KIF6: variants seen among roughly 807,000 people sequenced by gnomAD.
The protein encoded by KIF6 is kinesin-like protein KIF6.
Under a neutral mutation model 112.7 loss-of-function variants are expected in KIF6, and 106 were observed. The ratio of observed to expected loss-of-function variants is 0.94; its 90% CI spans 0.80 to 1.11. The LOEUF is 1.11. Among genes scored for constraint, KIF6 ranks in the 50% least tolerant of loss-of-function variants. The pLI is 0.00. For synonymous variants in KIF6, 339 were observed against 339.9 expected (o/e 1.00, Z 0.03); for missense variants, 929 against 964.0 (o/e 0.96, Z 0.48).
intron 13 of KIF6, among the ~76,000 whole-genome samples, chr6:39,460,877 A>AT (rs112099912): frequency 1.5e-3 from 225 of 152,270 alleles, no homozygotes; most frequent in African/African-American, 5.2e-3. Context: ...TACCTTTGTA[A>AT]TACTGCTTCC....
At chr6:39,536,314 C>G (rs1008932848) in intron 13 of KIF6, among the ~76,000 whole-genome samples, 10 of 151,674 alleles carry the variant, frequency 6.6e-5, no homozygotes, top group Non-Finnish European at 1.5e-4. Context: ...TGATAGAACG[C>G]TAGCAAGACT....
At chr6:39,468,253 A>G (rs560780425) in intron 13 of KIF6, among the ~76,000 whole-genome samples, 21 of 152,262 alleles carry the variant, frequency 1.4e-4, no homozygotes. Context: ...ACCAGGATAC[A>G]AGTAATGAGA....
At chr6:39,567,886 T>A (rs946305587) in intron 10 of KIF6, among the ~76,000 whole-genome samples, 1 of 152,130 alleles carries the variant, frequency 6.6e-6, no homozygotes, top group African/African-American at 2.4e-5. Flanking sequence ...GGATTACAGG[T>A]GTGAGCCACT....
intron 3 of KIF6, among the ~76,000 whole-genome samples, chr6:39,679,662 C>T (rs1312401851): frequency 7.2e-6 from 1 of 139,648 alleles, no homozygotes; most frequent in African/African-American, 2.7e-5. Context: ...GCTGCCCAGG[C>T]TGGAGTGCAG....
chr6:39,349,927 G>A (rs1221863349), intron 19 of KIF6, among the ~76,000 whole-genome samples: 2 of 152,092 alleles, frequency 1.3e-5, no homozygotes, highest in African/African-American at 4.8e-5. Context: ...TTACAGGTGT[G>A]AGCCATCATC....
chr6:39,353,065 G>C (rs117997052), intron 19 of KIF6, among the ~76,000 whole-genome samples: 6,003 of 152,034 alleles, frequency 0.039, 183 homozygotes, highest in Non-Finnish European at 0.055. Context: ...ACCTCAATTA[G>C]GTAAATAACT....
intron 16 of KIF6, among the ~76,000 whole-genome samples, chr6:39,377,075 T>C (rs1243442893): frequency 6.6e-6 from 1 of 152,096 alleles, no homozygotes; most frequent in Non-Finnish European, 1.5e-5. Flanking sequence ...TTGTTTTCTC[T>C]TTTTCTTTTT....
rs1767326927 is a variant in KIF6, at chr6:39,385,404, T to C, written c.1861+218A>G. ...TGAGGCAACAGCTGGAAGAGTAGGG[T>C]GCTGGGTGCTGATGGCCAGGCGCAA... On this transcript the variant is annotated intron_variant, in intron 16 of 22. Coordinates refer to ENST00000287152, the MANE Select transcript of KIF6 (RefSeq NM_145027.6). Among the ~76,000 whole-genome samples the C allele has an allele frequency of 3.3e-5, 5 of 151,942 alleles. No homozygotes were observed. The South Asian group carries it at 8.3e-4, about 25-fold the overall frequency.
At chr6:39,394,459 G>T (rs1180248152) in intron 15 of KIF6, among the ~76,000 whole-genome samples, 3 of 152,120 alleles carry the variant, frequency 2.0e-5, no homozygotes, top group African/African-American at 7.2e-5. Context: ...TTTCAGCATC[G>T]GATTATTTGG....
chr6:39,544,525 G>A (rs779448707), intron 12 of KIF6, 30 bp downstream of exon 12: 7 of 1,602,416 alleles, frequency 4.4e-6, no homozygotes, highest in Non-Finnish European at 5.1e-6. Flanking sequence ...CAGGATAGAG[G>A]AAGTTTCTTC....
chr6:39,615,177 A>T (rs1299741619), intron 5 of KIF6, among the ~76,000 whole-genome samples: 2 of 152,036 alleles, frequency 1.3e-5, no homozygotes, highest in African/African-American at 2.4e-5. Context: ...TTTCTAAAAA[A>T]AAAAAAATAA....
intron 3 of KIF6, among the ~76,000 whole-genome samples, chr6:39,643,910 A>C (rs1338337895): frequency 6.6e-6 from 1 of 152,202 alleles, no homozygotes; most frequent in Non-Finnish European, 1.5e-5. Context: ...TATGCAAATC[A>C]TATCTATCTG....
At chr6:39,491,649 G>A (rs1366769859) in intron 13 of KIF6, among the ~76,000 whole-genome samples, 1 of 152,194 alleles carries the variant, frequency 6.6e-6, no homozygotes, top group African/African-American at 2.4e-5. Context: ...GAAGGGACTT[G>A]TAGAGTCTGT....
At chr6:39,358,959 A>G (rs1764920582) in intron 18 of KIF6, among the ~76,000 whole-genome samples, 2 of 152,226 alleles carry the variant, frequency 1.3e-5, no homozygotes, top group Non-Finnish European at 2.9e-5. Flanking sequence ...GCGTTTTAAA[A>G]GTGGTACATG....
At chr6:39,674,109 G>T (rs532898155) in intron 3 of KIF6, among the ~76,000 whole-genome samples, 50 of 152,152 alleles carry the variant, frequency 3.3e-4, no homozygotes, top group African/African-American at 1.2e-3. Flanking sequence ...GAGAAGAAAA[G>T]AAAATCTGAA....
chr6:39,467,492 G>C (rs542332512), intron 13 of KIF6, among the ~76,000 whole-genome samples: 1 of 148,092 alleles, frequency 6.8e-6, no homozygotes, highest in Non-Finnish European at 1.5e-5. Context: ...AGATATCAGG[G>C]AAAAAAAAAA....
chr6:39,421,577 G>A (rs141501291), intron 14 of KIF6, among the ~76,000 whole-genome samples: 307 of 152,298 alleles, frequency 2.0e-3, no homozygotes, highest in African/African-American at 6.7e-3. Flanking sequence ...GCTCTGTGTT[G>A]GATGGAAAAG....
At chr6:39,495,983 C>A (rs1469129363) in intron 13 of KIF6, among the ~76,000 whole-genome samples, 3 of 152,226 alleles carry the variant, frequency 2.0e-5, no homozygotes, top group Non-Finnish European at 1.5e-5. Context: ...AAAGCCATTT[C>A]ATCTCAGGCT....
chr6:39,648,875 A>G (rs1785315666), intron 3 of KIF6, among the ~76,000 whole-genome samples: 1 of 152,078 alleles, frequency 6.6e-6, no homozygotes, highest in Non-Finnish European at 1.5e-5. Flanking sequence ...GTCCTTTCTA[A>G]AAGCATGTTT....
Sources: gnomAD v4.1 joint callset for allele counts (sites outside exome capture counted in the v4.1 genomes callset) on GRCh38, gnomAD v4.1.1 for gene constraint, MANE v1.5 for transcripts, NCBI Gene and HGNC (gene_info 2026-07-23, HGNC 2026-07-21) for gene names.